PDE3B: variants seen among roughly 807,000 people sequenced by gnomAD.
The protein encoded by PDE3B is phosphodiesterase 3B.
In PDE3B, 66 loss-of-function variants were observed where a neutral mutation model predicts 116.8. The observed-to-expected ratio is 0.56, with a 90% CI of 0.46 to 0.69. The LOEUF is 0.69. Among genes scored for constraint, PDE3B ranks in the 30% least tolerant of loss-of-function variants. The probability of loss-of-function intolerance (pLI) is 0.00; values close to 1 mark genes in which losing one functional copy is unlikely to be tolerated. For synonymous variants in PDE3B, 595 were observed against 533.6 expected, an observed-to-expected ratio of 1.12 and a Z score of -1.59; for missense variants, 1,384 against 1,368.1, an observed-to-expected ratio of 1.01 and a Z score of -0.18.
At chr11:14,657,701 A>G (rs1879888) in intron 1 of PDE3B, among the ~76,000 whole-genome samples, 77,255 of 151,976 alleles carry the variant, frequency 0.51, 19,649 homozygotes, top group Admixed American at 0.55. Flanking sequence ...GGAGCTATAA[A>G]GGCTATGAAA....
At chr11:14,794,248 G>A (rs1292199423) in intron 4 of PDE3B, among the ~76,000 whole-genome samples, 5 of 152,094 alleles carry the variant, frequency 3.3e-5, no homozygotes, top group East Asian at 1.9e-4. Context: ...GAGCAAGCAA[G>A]CAGGCAAGCA....
intron 1 of PDE3B, among the ~76,000 whole-genome samples, chr11:14,739,842 G>A (rs1360045422): frequency 6.6e-6 from 1 of 152,058 alleles, no homozygotes; most frequent in South Asian, 2.1e-4. Flanking sequence ...AAGGCCTTTT[G>A]TGCATCTGTT....
At chr11:14,866,253 T>G (rs1471398464) in intron 14 of PDE3B, among the ~76,000 whole-genome samples, 1 of 152,232 alleles carries the variant, frequency 6.6e-6, no homozygotes, top group Non-Finnish European at 1.5e-5. Context: ...CTAAGTGTCA[T>G]TATTCAATAT....
At chr11:14,867,852 A>G in intron 15 of PDE3B, 94 bp downstream of exon 15, 1 of 1,083,528 alleles carries the variant, frequency 9.2e-7, no homozygotes. Context: ...AAAATCCAAA[A>G]TTTTTTGAGT....
intron 1 of PDE3B, among the ~76,000 whole-genome samples, chr11:14,660,169 C>T (rs575282248): frequency 4.6e-5 from 7 of 152,120 alleles, no homozygotes; most frequent in African/African-American, 9.7e-5. Flanking sequence ...GTAGAGTTTA[C>T]GAGATCTTAT....
intron 1 of PDE3B, among the ~76,000 whole-genome samples, chr11:14,652,624 G>T (rs1853600960): frequency 6.6e-6 from 1 of 152,134 alleles, no homozygotes; most frequent in Admixed American, 6.5e-5. Context: ...ACATTGTTGT[G>T]AAACAGATCT....
chr11:14,667,829 A>C (rs1052849608), intron 1 of PDE3B, among the ~76,000 whole-genome samples: 3 of 107,472 alleles, frequency 2.8e-5, no homozygotes, highest in African/African-American at 1.1e-4. Flanking sequence ...CCTAAAACTT[A>C]AAGTATAATA....
intron 4 of PDE3B, among the ~76,000 whole-genome samples, chr11:14,792,193 T>G (rs151320532): frequency 1.8e-4 from 27 of 152,220 alleles, no homozygotes; most frequent in Middle Eastern, 6.8e-3. Context: ...AAAAAGTAAA[T>G]GAACTAACAC....
chr11:14,865,042 G>A (rs1369727310), intron 14 of PDE3B, among the ~76,000 whole-genome samples: 1 of 152,108 alleles, frequency 6.6e-6, no homozygotes, highest in Non-Finnish European at 1.5e-5. Context: ...AAAAATCAAT[G>A]AATCCAGGAG....
At chr11:14,820,582 G>T (rs1565151929) in intron 7 of PDE3B, among the ~76,000 whole-genome samples, 1 of 152,148 alleles carries the variant, frequency 6.6e-6, no homozygotes, top group Non-Finnish European at 1.5e-5. Flanking sequence ...ACACTTGTGG[G>T]CTGGATGTTT....
intron 1 of PDE3B, among the ~76,000 whole-genome samples, chr11:14,724,897 A>G (rs1431745377): frequency 6.6e-6 from 1 of 152,230 alleles, no homozygotes; most frequent in African/African-American, 2.4e-5. Context: ...TCAAGTGCCT[A>G]TTATATACCA....
intron 1 of PDE3B, among the ~76,000 whole-genome samples, chr11:14,735,261 C>G (rs1227215672): frequency 6.6e-6 from 1 of 152,076 alleles, no homozygotes. Flanking sequence ...CCAGGAGGTA[C>G]AAAGTCTGTG....
intron 9 of PDE3B, 127 bp from the exon 10 acceptor site, chr11:14,832,595 A>G (rs1590180117): frequency 2.4e-6 from 1 of 421,548 alleles, no homozygotes; most frequent in South Asian, 6.0e-5. Context: ...CAAGTTTTAA[A>G]TAAATTATTA....
intron 4 of PDE3B, among the ~76,000 whole-genome samples, chr11:14,798,210 T>C (rs1858619159): frequency 6.6e-6 from 1 of 152,198 alleles, no homozygotes; most frequent in African/African-American, 2.4e-5. Flanking sequence ...TGTCATTGGT[T>C]CTGTTTATGT....
At chr11:14,877,015 A>T (rs1848196942), downstream of PDE3B, among the ~76,000 whole-genome samples, 1 of 152,290 alleles carries the variant, frequency 6.6e-6, no homozygotes, top group African/African-American at 2.4e-5. Context: ...GGTTAAATCC[A>T]TATTCTTAAT....
intron 1 of PDE3B, among the ~76,000 whole-genome samples, chr11:14,734,082 T>G (rs1048540020): frequency 1.3e-5 from 2 of 152,218 alleles, no homozygotes; most frequent in Non-Finnish European, 2.9e-5. Context: ...GTGTTTTCTT[T>G]TTTTCTTGAG....
chr11:14,667,142 G>A (rs1432386141), intron 1 of PDE3B, among the ~76,000 whole-genome samples: 1 of 152,064 alleles, frequency 6.6e-6, no homozygotes, highest in Non-Finnish European at 1.5e-5. Flanking sequence ...TAGGGACATG[G>A]ATGAAATTGG....
At chr11:14,874,300 C>T (rs1848170371), downstream of PDE3B, among the ~76,000 whole-genome samples, 1 of 152,040 alleles carries the variant, frequency 6.6e-6, no homozygotes, top group Non-Finnish European at 1.5e-5. Flanking sequence ...TGTACAACAA[C>T]AATATAGCAT....
chr11:14,725,438 C>A (rs1411199471), intron 1 of PDE3B, among the ~76,000 whole-genome samples: 1 of 122,488 alleles, frequency 8.2e-6, no homozygotes, highest in Non-Finnish European at 1.7e-5. Context: ...TCCTTCCTTC[C>A]CTCCCTCCAC....
Sources: gnomAD v4.1 joint callset for allele counts (sites outside exome capture counted in the v4.1 genomes callset) on GRCh38, gnomAD v4.1.1 for gene constraint, MANE v1.5 for transcripts, NCBI Gene and HGNC (gene_info 2026-07-23, HGNC 2026-07-21) for gene names.